The following RAP2C variants were observed in gnomAD, a reference collection of about 807,000 sequenced individuals.
RAP2C encodes RAP2C, member of RAS oncogene family.
A neutral mutation model predicts 8.9 loss-of-function variants in RAP2C; 3 were observed. That is an observed-to-expected ratio of 0.34 (90% confidence interval 0.15 to 0.87). The LOEUF is 0.87. RAP2C is among the 40% of genes least tolerant of loss of function. The pLI is 0.51. For synonymous variants in RAP2C, 60 were observed against 52.1 expected, an observed-to-expected ratio of 1.15 and a Z score of -0.65; for missense variants, 76 against 133.7, an observed-to-expected ratio of 0.57 and a Z score of 2.13.
At chrX:132,218,752 C>T (rs910922292) in intron 1 of RAP2C, 1 of 111,674 alleles carries the variant, frequency 9.0e-6, no homozygotes, top group Middle Eastern at 4.6e-3. Flanking sequence ...TCACAAGGCT[C>T]GAAAACAGCA....
chrX:132,218,286 C>G lies in RAP2C; in HGVS notation c.-690G>C, dbSNP rs933641188. 2 of 109,297 alleles carry G rather than the reference C, an allele frequency of 1.8e-5. No individual in the cohort carries two copies. The highest frequency in any genetic ancestry group is 6.7e-5 in the African/African-American group (2 of 29,968). The allele number at this position is 109,297 out of a possible 1,213,427, so 9.0% of individuals were successfully genotyped here. ...GCCGCGCCCTGCTGAGCGAGCGAGC[C>G]GGCCGGGGACGGTTTCGGGTCGGGA... On this transcript the variant is annotated 5_prime_UTR_variant, in exon 2 of 6. Coordinates refer to ENST00000370874, the MANE Select transcript of RAP2C (RefSeq NM_001271186.2).
At position 132,217,047 on chromosome X, in the gene RAP2C, GT is replaced by G; in HGVS notation, c.221del (p.Asn74ThrfsTer23). 8.5e-7 allele frequency: 1 copy of G among 1,178,173 alleles called. No individual in the cohort carries two copies. Among genetic ancestry groups the G allele is most frequent in the Non-Finnish European group, 1.1e-6 (1 of 878,927 alleles). On this transcript the variant is annotated frameshift_variant, in exon 4 of 6. Transcript: ENST00000370874. LOFTEE classifies it high-confidence loss of function. ...TATAAACCAGGATGAAACCTTGGCC[GT>G]TTTTGATGTAGAGATCTCTCATGGA... ...FASMRDLYIK[N>X]GQGFILVYSL...
intron 5 of RAP2C, 95 bp downstream of exon 5, chrX:132,214,039 G>T: frequency 3.4e-6 from 2 of 588,477 alleles, no homozygotes; most frequent in East Asian, 3.8e-5. Flanking sequence ...GAAATTTAAG[G>T]CAGTGCCATA....
intron 4 of RAP2C, 44 bp from the exon 5 acceptor site, chrX:132,214,490 T>C: frequency 1.7e-6 from 2 of 1,154,096 alleles, no homozygotes; most frequent in Non-Finnish European, 2.3e-6. Context: ...TTATGCTGTT[T>C]GTATAACCAT....
chrX:132,214,036 A>T, intron 5 of RAP2C, 98 bp downstream of exon 5: 1 of 579,313 alleles, frequency 1.7e-6, no homozygotes, highest in Non-Finnish European at 2.5e-6. Flanking sequence ...AAAGAAATTT[A>T]AGGCAGTGCC....
At chrX:132,209,706 A>G (rs1223565663) in intron 5 of RAP2C, among the ~76,000 whole-genome samples, 1 of 111,796 alleles carries the variant, frequency 8.9e-6, no homozygotes, top group Non-Finnish European at 1.9e-5. Context: ...AATGGAGTAA[A>G]ACTGAATGGC....
chrX:132,212,470 G>C (rs1244995338), intron 5 of RAP2C, among the ~76,000 whole-genome samples: 1 of 112,032 alleles, frequency 8.9e-6, no homozygotes, highest in East Asian at 2.8e-4. Flanking sequence ...TGAGAGAGCT[G>C]GCTCTCTACA....
In RAP2C at chrX:132,204,707, C is replaced by G. The variant is rs996597720; in HGVS notation, c.*915G>C. The G allele has an allele frequency of 9.9e-5, 11 of 111,219 alleles. No individual in the cohort carries two copies. The Admixed American group carries it at 1.1e-3, about 11-fold the overall frequency. 9.2% of individuals were successfully genotyped at this position (111,219 alleles called of 1,213,427 possible). ...ACATGTGCAGAAGTCTACTAGATGT[C>G]AATTACAAGCCTGATAGGCAAAGAT... On this transcript the variant is annotated 3_prime_UTR_variant, in exon 6 of 6. Transcript: ENST00000370874.
rs758547404 is a variant in RAP2C at position 132,214,354 on chromosome X, T to C, written c.366A>G (p.Pro122=). 6.6e-6 allele frequency: 8 copies of C among 1,210,622 alleles called. No homozygotes were observed. In the African/African-American group the frequency reaches 1.0e-4, roughly 16 times the overall value. ...CTTCTGAAGACATAACCTCTCTTTC[T>C]GGTTCCAGATCCACTTTATTTCCTA... ...ILVGNKVDLE[P]EREVMSSEGR... Residue 122 remains proline, a synonymous_variant, in exon 5 of 6, where the codon CCA becomes CCG. Coordinates refer to ENST00000370874, the MANE Select transcript of RAP2C (RefSeq NM_001271186.2).
chrX:132,216,375 T>C (rs765124825), intron 4 of RAP2C, among the ~76,000 whole-genome samples: 93 of 111,940 alleles, frequency 8.3e-4, no homozygotes, highest in African/African-American at 2.8e-3. Flanking sequence ...GGTTATTAAT[T>C]CTAGGTACTA....
In RAP2C at chrX:132,204,985, A is replaced by C. The variant is rs1371265951; in HGVS notation, c.*637T>G. On this transcript the variant is annotated 3_prime_UTR_variant, in exon 6 of 6. Transcript: ENST00000370874. ...CCTTCAGAACATGTTAATTACAAAA[A>C]AAAAAAAAAAAAAACAAAACACATC... The C allele has an allele frequency of 9.1e-6, 1 of 110,023 alleles. No homozygotes were observed. The highest frequency in any genetic ancestry group is 2.8e-4 in the East Asian group (1 of 3,566). 9.1% of individuals were successfully genotyped at this position (110,023 alleles called of 1,213,427 possible).
chrX:132,204,929 C>T lies in RAP2C; in HGVS notation c.*693G>A, dbSNP rs1163028139. ...GAATGCTTAACTCTTCAACTAAATG[C>T]TCTACAGTCAATTTCAAATATCAAT... is the stretch of plus-strand genomic sequence containing the variant. On this transcript the variant is annotated 3_prime_UTR_variant, in exon 6 of 6. Coordinates refer to ENST00000370874, the MANE Select transcript of RAP2C (RefSeq NM_001271186.2). The T allele has an allele frequency of 2.8e-5, 3 of 105,567 alleles. No homozygotes were observed. Among genetic ancestry groups the T allele is most frequent in the African/African-American group, 1.0e-4 (3 of 28,697 alleles). The allele number at this position is 105,567 out of a possible 1,213,427, so 8.7% of individuals were successfully genotyped here. A position where few individuals can be genotyped will look rare whatever the true frequency, so the allele number is the denominator to read the frequency against.
intron 4 of RAP2C, among the ~76,000 whole-genome samples, chrX:132,216,567 G>C (rs976978627): frequency 9.2e-6 from 1 of 109,128 alleles, no homozygotes. Flanking sequence ...GGGAAGGTGT[G>C]GGTGGGACAG....
At position 132,213,997 on chromosome X, in the gene RAP2C, T is replaced by A. The variant is rs191146862; in HGVS notation, c.*34+137A>T. 2.2e-5 allele frequency: 11 copies of A among 495,381 alleles called. No individual in the cohort carries two copies. In the East Asian group the frequency reaches 3.7e-4, roughly 17 times the overall value. 40.8% of individuals were successfully genotyped at this position (495,381 alleles called of 1,213,427 possible). On this transcript the variant is annotated intron_variant, in intron 5 of 5. Transcript: ENST00000370874. ...TTTCTTCATTGAATGTTGACTATTT[T>A]GTGTGATGGAAAATGTTATTTTAAA...
intron 5 of RAP2C, among the ~76,000 whole-genome samples, chrX:132,211,486 C>T (rs780981693): frequency 1.8e-5 from 2 of 111,343 alleles, no homozygotes; most frequent in Admixed American, 9.5e-5. Flanking sequence ...CTTGATCATA[C>T]GCTCCTCAGA....
At chrX:132,216,077 A>G (rs770439395) in intron 4 of RAP2C, among the ~76,000 whole-genome samples, 4 of 112,297 alleles carry the variant, frequency 3.6e-5, no homozygotes, top group Admixed American at 1.9e-4. Flanking sequence ...TCCTAAATCA[A>G]TGGAGGTCAA....
chrX:132,205,694 A>G (rs1930253325), intron 5 of RAP2C, 107 bp from the exon 6 acceptor site: 2 of 111,409 alleles, frequency 1.8e-5, no homozygotes, highest in Admixed American at 1.9e-4. Flanking sequence ...AGAATAACAA[A>G]CTTCAGTTAA....
At chrX:132,214,642 C>A (rs983225236) in intron 4 of RAP2C, 196 bp from the exon 5 acceptor site, 14 of 632,843 alleles carry the variant, frequency 2.2e-5, no homozygotes, top group Non-Finnish European at 2.6e-5. Flanking sequence ...AGAGACCCTA[C>A]CTGCTGGGTT....
In RAP2C at chrX:132,203,749, A is replaced by C. The variant is rs2124118951; in HGVS notation, c.*1873T>G. 8.9e-6 allele frequency: 1 copy of C among 112,238 alleles called. No individual in the cohort carries two copies. The highest frequency in any genetic ancestry group is 3.2e-5 in the African/African-American group (1 of 30,900). 9.2% of individuals were successfully genotyped at this position (112,238 alleles called of 1,213,427 possible). On this transcript the variant is annotated 3_prime_UTR_variant, in exon 6 of 6. Coordinates refer to ENST00000370874, the MANE Select transcript of RAP2C (RefSeq NM_001271186.2). ...GTTTTAAGTTTGGTATTAAAGTGCA[A>C]ACTTAAATTAAGTATTCACTTCAAG...
Sources: gnomAD v4.1 joint callset for allele counts (sites outside exome capture counted in the v4.1 genomes callset) on GRCh38, gnomAD v4.1.1 for gene constraint, MANE v1.5 for transcripts, NCBI Gene and HGNC (gene_info 2026-07-23, HGNC 2026-07-21) for gene names.